LUZP2: variants seen among roughly 807,000 people sequenced by gnomAD.
LUZP2 encodes leucine zipper protein 2.
A neutral mutation model predicts 51.6 loss-of-function variants in LUZP2; 52 were observed. That is an observed-to-expected ratio of 1.01 (90% CI 0.81 to 1.27). The LOEUF is 1.27. Ranked by LOEUF, LUZP2 falls within the 50% of genes most tolerant of loss-of-function variation. The pLI, the probability that LUZP2 is intolerant of heterozygous loss-of-function variation, is 0.00. For synonymous variants in LUZP2, 154 were observed against 137.3 expected, an observed-to-expected ratio of 1.12 and a Z score of -0.85; for missense variants, 436 against 395.4, an observed-to-expected ratio of 1.10 and a Z score of -0.87.
intron 1 of LUZP2, among the ~76,000 whole-genome samples, chr11:24,516,689 C>A (rs1051335259): frequency 6.6e-6 from 1 of 151,930 alleles, no homozygotes; most frequent in Non-Finnish European, 1.5e-5. Flanking sequence ...GAAGATCAGC[C>A]CTGAAGAGGG....
chr11:24,794,225 T>A (rs1301149587), intron 5 of LUZP2, among the ~76,000 whole-genome samples: 1 of 152,102 alleles, frequency 6.6e-6, no homozygotes, highest in East Asian at 1.9e-4. Flanking sequence ...AAAACAAAAA[T>A]TCAAGGGTTC....
At chr11:24,553,108 G>A (rs1006806228) in intron 1 of LUZP2, among the ~76,000 whole-genome samples, 1 of 151,434 alleles carries the variant, frequency 6.6e-6, no homozygotes, top group Non-Finnish European at 1.5e-5. Context: ...GAGTCAATGG[G>A]AAATAACAGA....
At chr11:24,998,785 A>G (rs748327372) in intron 9 of LUZP2, among the ~76,000 whole-genome samples, 1 of 152,102 alleles carries the variant, frequency 6.6e-6, no homozygotes, top group African/African-American at 2.4e-5. Context: ...CAGGCATAAA[A>G]TCTTGATGAT....
chr11:25,042,245 A>G (rs1224622248), intron 9 of LUZP2, among the ~76,000 whole-genome samples: 1 of 114,088 alleles, frequency 8.8e-6, no homozygotes, highest in Non-Finnish European at 2.0e-5. Context: ...CAAGAAAAAG[A>G]CTAATATATT....
chr11:25,050,446 A>C (rs972123246), intron 10 of LUZP2, among the ~76,000 whole-genome samples: 1 of 151,424 alleles, frequency 6.6e-6, no homozygotes, highest in Non-Finnish European at 1.5e-5. Context: ...CTGGGACTAC[A>C]GGCGCCCGCC....
intron 9 of LUZP2, among the ~76,000 whole-genome samples, chr11:25,034,868 T>C (rs1857803086): frequency 6.6e-6 from 1 of 152,110 alleles, no homozygotes. Context: ...CCTCCAGTCT[T>C]GTTCTTTTTG....
At chr11:24,808,516 A>G (rs932321262) in intron 5 of LUZP2, among the ~76,000 whole-genome samples, 2 of 152,182 alleles carry the variant, frequency 1.3e-5, no homozygotes, top group African/African-American at 4.8e-5. Flanking sequence ...CCAAAGCCCA[A>G]TGTTATATTC....
At chr11:24,938,319 T>C (rs921262524) in intron 7 of LUZP2, among the ~76,000 whole-genome samples, 1 of 152,182 alleles carries the variant, frequency 6.6e-6, no homozygotes, top group East Asian at 1.9e-4. Context: ...TTTAGCACAA[T>C]TGCAGTTGAC....
At chr11:24,736,087 CTA>C (rs1478878423) in intron 3 of LUZP2, among the ~76,000 whole-genome samples, 3 of 152,056 alleles carry the variant, frequency 2.0e-5, no homozygotes, top group African/African-American at 7.2e-5. Context: ...TCAGAATTCT[CTA>C]TCTTTTCCAG....
At chr11:25,057,760 C>A (rs1858730271) in intron 10 of LUZP2, among the ~76,000 whole-genome samples, 1 of 151,966 alleles carries the variant, frequency 6.6e-6, no homozygotes, top group African/African-American at 2.4e-5. Context: ...GGAGCACTAG[C>A]TCAATTTCCT....
chr11:24,627,637 T>C (rs1228746313), intron 1 of LUZP2, among the ~76,000 whole-genome samples: 1 of 152,222 alleles, frequency 6.6e-6, no homozygotes, highest in Non-Finnish European at 1.5e-5. Context: ...ACCAGTGTTC[T>C]GTTTGCAAAA....
chr11:24,742,947 G>C (rs964497363), intron 4 of LUZP2, among the ~76,000 whole-genome samples: 2 of 151,974 alleles, frequency 1.3e-5, no homozygotes, highest in African/African-American at 4.8e-5. Flanking sequence ...TGTTGAAAAG[G>C]GTGTCCTTTC....
chr11:24,801,443 G>GA (rs1366874699), intron 5 of LUZP2, among the ~76,000 whole-genome samples: 1 of 151,788 alleles, frequency 6.6e-6, no homozygotes, highest in Non-Finnish European at 1.5e-5. Flanking sequence ...TTAACCATTT[G>GA]AAAAATATTT....
At chr11:24,546,907 TTTTTG>T (rs773863731) in intron 1 of LUZP2, among the ~76,000 whole-genome samples, 9 of 151,888 alleles carry the variant, frequency 5.9e-5, no homozygotes, top group East Asian at 5.8e-4. Context: ...CTGGTCCTGT[TTTTTG>T]TTTTGTTTTG....
chr11:24,914,718 A>T (rs574951239), intron 7 of LUZP2, among the ~76,000 whole-genome samples, 180 bp downstream of exon 7: 1 of 152,274 alleles, frequency 6.6e-6, no homozygotes, highest in South Asian at 2.1e-4. Context: ...TGGAAGTATT[A>T]TTTCCTACAT....
At chr11:24,958,421 C>G (rs1855276845) in intron 7 of LUZP2, among the ~76,000 whole-genome samples, 1 of 152,076 alleles carries the variant, frequency 6.6e-6, no homozygotes, top group African/African-American at 2.4e-5. Flanking sequence ...CCTGTTGTTT[C>G]CTGACTTTTT....
chr11:24,741,910 TAATATATACATTTATATATTATATATA>T (rs71041801), intron 4 of LUZP2, among the ~76,000 whole-genome samples: 63,511 of 105,726 alleles, frequency 0.6, 17,907 homozygotes, highest in East Asian at 0.82. Flanking sequence ...TATTTCTATA[TAATATATACATTTATATATTATATATA>T]AATATATACA....
chr11:24,836,700 G>A (rs1850869710), intron 5 of LUZP2, among the ~76,000 whole-genome samples: 1 of 151,774 alleles, frequency 6.6e-6, no homozygotes. Flanking sequence ...AAATATCAAG[G>A]TTATGAAGCC....
intron 1 of LUZP2, among the ~76,000 whole-genome samples, chr11:24,676,032 T>C (rs1390738304): frequency 6.6e-6 from 1 of 152,066 alleles, no homozygotes; most frequent in Non-Finnish European, 1.5e-5. Context: ...TTGGTCAGGC[T>C]AGTCTCGAAC....
Sources: gnomAD v4.1 joint callset for allele counts (sites outside exome capture counted in the v4.1 genomes callset) on GRCh38, gnomAD v4.1.1 for gene constraint, MANE v1.5 for transcripts, NCBI Gene and HGNC (gene_info 2026-07-23, HGNC 2026-07-21) for gene names.